The following DHX34 variants were observed in gnomAD, a reference collection of about 807,000 sequenced individuals.
The protein encoded by DHX34 is probable ATP-dependent RNA helicase DHX34.
In DHX34, 96 loss-of-function variants were observed where a neutral mutation model predicts 111.1. That is an observed-to-expected ratio of 0.86 (90% confidence interval 0.73 to 1.02). DHX34 has a LOEUF of 1.02. Ranked by LOEUF, DHX34 falls within the 50% of genes least tolerant of loss-of-function variation. DHX34 has a pLI of 0.00. For synonymous variants in DHX34, 688 were observed against 670.4 expected (o/e 1.03, Z -0.41); for missense variants, 1,560 against 1,579.9 (o/e 0.99, Z 0.21).
At position 47,366,973 on chromosome 19, in the gene DHX34, C is replaced by T. The variant is rs1307725875; in HGVS notation, c.1594-8C>T. 6 of 1,545,042 alleles carry T rather than the reference C, an allele frequency of 3.9e-6. No individual in the cohort carries two copies. Among genetic ancestry groups the T allele is most frequent in the East Asian group, 4.7e-5 (2 of 42,828 alleles). On this transcript the variant is annotated splice_region_variant and splice_polypyrimidine_tract_variant and intron_variant, in intron 6 of 16. Coordinates refer to ENST00000328771, the MANE Select transcript of DHX34 (RefSeq NM_014681.6). ...CCCCAATCTTGGGGGTTTTGCTTCT[C>T]ATTCTAGATGAAGAGCATGAGTGTG...
rs1435907506 is a variant in DHX34 at position 47,352,751 on chromosome 19, A to G, written c.-277-3A>G. On this transcript the variant is annotated splice_region_variant and splice_polypyrimidine_tract_variant and intron_variant, in intron 1 of 16. Transcript: ENST00000328771. ...ATTAATGTCTTCTGTTCTCTCTCTT[A>G]AGAATCCAGGGCCTGAAAACCCAGA... 2.1e-6 allele frequency: 1 copy of G among 472,530 alleles called. No homozygotes were observed. Among genetic ancestry groups the G allele is most frequent in the Non-Finnish European group, 3.7e-6 (1 of 270,664 alleles). 29.3% of individuals were successfully genotyped at this position (472,530 alleles called of 1,614,324 possible).
chr19:47,364,398 G>T (rs937573656), intron 6 of DHX34, among the ~76,000 whole-genome samples: 2 of 151,976 alleles, frequency 1.3e-5, no homozygotes, highest in Middle Eastern at 3.2e-3. Context: ...CCTGCAGGAG[G>T]TGCACACTAT....
At chr19:47,377,481 G>A (rs893607773) in intron 13 of DHX34, among the ~76,000 whole-genome samples, 1 of 152,192 alleles carries the variant, frequency 6.6e-6, no homozygotes, top group Non-Finnish European at 1.5e-5. Context: ...TGCCCTCTCG[G>A]GCTCTAGTGG....
At chr19:47,361,945 G>A (rs10432283) in intron 5 of DHX34, among the ~76,000 whole-genome samples, 34,274 of 151,978 alleles carry the variant, frequency 0.23, 5,611 homozygotes, top group East Asian at 0.45. Context: ...TATTGGATAA[G>A]TGAACCTCTG....
At chr19:47,377,819 G>A (rs964571927) in intron 13 of DHX34, among the ~76,000 whole-genome samples, 5 of 151,936 alleles carry the variant, frequency 3.3e-5, no homozygotes, top group African/African-American at 1.2e-4. Context: ...GGAGAGGAGG[G>A]TGCTGCCCCG....
intron 7 of DHX34, among the ~76,000 whole-genome samples, chr19:47,369,003 G>A (rs1969888176): frequency 6.6e-6 from 1 of 152,142 alleles, no homozygotes; most frequent in East Asian, 1.9e-4. Flanking sequence ...TCAGCTTCAT[G>A]AGTAGCTAAA....
At chr19:47,361,513 T>G (rs1475610295) in intron 5 of DHX34, among the ~76,000 whole-genome samples, 3 of 151,836 alleles carry the variant, frequency 2.0e-5, no homozygotes, top group Non-Finnish European at 4.4e-5. Context: ...GTGCTGTGGC[T>G]CATGCCTGTA....
In DHX34 at chr19:47,353,198, A is replaced by G; in HGVS notation, c.168A>G (p.Glu56=). The change falls in exon 2 of 17, where the codon GAA becomes GAG. Residue 56 remains glutamate, a synonymous_variant. Transcript: ENST00000328771. This position sits in a 1 kb window ranked among gnomAD's most constrained non-coding sequence, Gnocchi z 4.6. ...ATTACATCCGTCAGGGTTCTGAGGA[A>G]TGTCAGAAGTTTTGGACCTTCTTTG... ...EEDYIRQGSE[E]CQKFWTFFER... 2 of 1,614,150 alleles carry G rather than the reference A, an allele frequency of 1.2e-6. No individual in the cohort carries two copies. The highest frequency in any genetic ancestry group is 1.7e-6 in the Non-Finnish European group (2 of 1,180,020).
At chr19:47,373,571 A>C (rs1284696660) in intron 8 of DHX34, 28 bp from the exon 9 acceptor site, 1 of 1,607,038 alleles carries the variant, frequency 6.2e-7, no homozygotes, top group Admixed American at 1.7e-5. Flanking sequence ...CCAGGCCCTG[A>C]CACCCTGGCG....
chr19:47,380,699 A>C, intron 14 of DHX34, 117 bp from the exon 15 acceptor site: 1 of 1,511,230 alleles, frequency 6.6e-7, no homozygotes, highest in South Asian at 1.3e-5. Flanking sequence ...TGGTGTAAGC[A>C]CTTGGCTCCC....
intron 4 of DHX34, 43 bp downstream of exon 4, chr19:47,358,163 G>A (rs768771012): frequency 5.1e-6 from 8 of 1,582,626 alleles, no homozygotes; most frequent in Non-Finnish European, 6.9e-6. Context: ...GGGTCTGCAT[G>A]AGTCAGGGGT....
At chr19:47,355,801 G>A (rs963376805) in intron 3 of DHX34, among the ~76,000 whole-genome samples, 1 of 151,792 alleles carries the variant, frequency 6.6e-6, no homozygotes, top group Non-Finnish European at 1.5e-5. Context: ...GCAGTGAGCC[G>A]AGATCGCGCC....
At chr19:47,374,935 G>A (rs1205116167) in intron 9 of DHX34, among the ~76,000 whole-genome samples, 1 of 152,216 alleles carries the variant, frequency 6.6e-6, no homozygotes, top group Non-Finnish European at 1.5e-5. Flanking sequence ...CTTGAGGAAT[G>A]TTGACAAGAT....
chr19:47,366,828 C>T, intron 6 of DHX34, 153 bp from the exon 7 acceptor site: 1 of 984,250 alleles, frequency 1.0e-6, no homozygotes, highest in Non-Finnish European at 1.2e-6. Context: ...CTTGCCTTGG[C>T]CTTTCAAAGT....
Position 47,376,081 on chromosome 19 carries a change from GA to G in DHX34, c.2468del (p.Lys823ArgfsTer50). 6.4e-7 allele frequency: 1 copy of G among 1,565,946 alleles called. No homozygotes were observed. The highest frequency in any genetic ancestry group is 8.6e-7 in the Non-Finnish European group (1 of 1,158,232). On this transcript the variant is annotated frameshift_variant, in exon 11 of 17. Transcript: ENST00000328771. LOFTEE classifies it high-confidence loss of function. ...GTCCCCGACGCCTTCAACAGCAGCC[GA>G]AAGGACTCAGACCAGGTGGGGCCTG... ...LAVPDAFNSS[R>X]KDSDQIFHTQ... is the part of the protein sequence containing the mutation.
rs1372120789 is a variant in DHX34, at chr19:47,353,676, G to C, written c.646G>C (p.Ala216Pro). 4 of 1,611,878 alleles carry C rather than the reference G, an allele frequency of 2.5e-6. No homozygotes were observed. Among genetic ancestry groups the C allele is most frequent in the Non-Finnish European group, 3.4e-6 (4 of 1,179,306 alleles). The change falls in exon 2 of 17, where the codon GCC becomes CCC. Residue 216 changes from alanine to proline, a missense_variant. By Grantham distance (27) the Ala-to-Pro change is conservative. Coordinates refer to ENST00000328771, the MANE Select transcript of DHX34 (RefSeq NM_014681.6). This position sits in a 1 kb window ranked among gnomAD's most constrained non-coding sequence, Gnocchi z 4.6. ...GGCGTGCACCCAGCCCCGGCGGATC[G>C]CCTGCATCTCACTGGCCAAGCGTGT... ...HVACTQPRRI[A>P]CISLAKRVGF...
intron 9 of DHX34, 130 bp downstream of exon 9, chr19:47,373,830 C>G: frequency 8.4e-7 from 1 of 1,189,278 alleles, no homozygotes; most frequent in Admixed American, 2.5e-5. Context: ...CCTCCCCCAC[C>G]ACCCGGTGAC....
At position 47,375,724 on chromosome 19, in the gene DHX34, T is replaced by G. The variant is rs1333729988; in HGVS notation, c.2307+16T>G. Reference sequence around the variant, plus strand: ...GGACATCCAGGTGGGCGCCATGGGCTGTGGGGTGTGGGGGTTTACCAAGGT... The same window carrying G: ...GGACATCCAGGTGGGCGCCATGGGCGGTGGGGTGTGGGGGTTTACCAAGGT... On this transcript the variant is annotated intron_variant, in intron 10 of 16. Transcript: ENST00000328771. 2 of 1,559,956 alleles carry G rather than the reference T, an allele frequency of 1.3e-6. No individual in the cohort carries two copies. Among genetic ancestry groups the G allele is most frequent in the Admixed American group, 2.0e-5 (1 of 49,852 alleles).
chr19:47,375,865 G>A lies in DHX34; in HGVS notation c.2308-59G>A, dbSNP rs1339735276. ...GTATCTGCAGAGCCTGGGGGTCTGC[G>A]GATCATGGTAGGAGCCCCTCAGGTC... On this transcript the variant is annotated intron_variant, in intron 10 of 16. Coordinates refer to ENST00000328771, the MANE Select transcript of DHX34 (RefSeq NM_014681.6). The A allele has an allele frequency of 1.8e-5, 28 of 1,542,388 alleles. No individual in the cohort carries two copies. The Middle Eastern group carries it at 7.3e-4, about 40-fold the overall frequency.
Sources: gnomAD v4.1 joint callset for allele counts (sites outside exome capture counted in the v4.1 genomes callset) on GRCh38, gnomAD v4.1.1 for gene constraint, Gnocchi (gnomAD v3.1) non-coding constraint, MANE v1.5 for transcripts, NCBI Gene and HGNC (gene_info 2026-07-23, HGNC 2026-07-21) for gene names.